The following C12orf54 variants were observed in gnomAD, a reference collection of about 807,000 sequenced individuals.
C12orf54 encodes uncharacterized protein C12orf54.
Under a neutral mutation model 26.4 loss-of-function variants are expected in C12orf54, and 24 were observed. The observed-to-expected ratio is 0.91, with a 90% CI of 0.66 to 1.28. The LOEUF (loss-of-function observed/expected upper bound fraction) is 1.28, where lower values mean the gene tolerates loss of function less well. Ranked by LOEUF, C12orf54 falls within the 50% of genes most tolerant of loss-of-function variation. The pLI is 0.00. For synonymous variants in C12orf54, 54 were observed against 47.0 expected, an observed-to-expected ratio of 1.15 and a Z score of -0.61; for missense variants, 154 against 150.9, an observed-to-expected ratio of 1.02 and a Z score of -0.11.
chr12:48,435,937 T>C, the C12orf54 span, among the ~76,000 whole-genome samples: 1 of 152,176 alleles, frequency 6.6e-6, no homozygotes. Flanking sequence ...ATGGGCTAAA[T>C]GCTCCAATTA....
the C12orf54 span, among the ~76,000 whole-genome samples, chr12:48,441,562 G>A: frequency 6.6e-6 from 1 of 152,162 alleles, no homozygotes; most frequent in Non-Finnish European, 1.5e-5. Flanking sequence ...ATAATGACAG[G>A]GGTTGGGGGT....
At chr12:48,443,491 G>A in the C12orf54 span, among the ~76,000 whole-genome samples, 2 of 152,156 alleles carry the variant, frequency 1.3e-5, no homozygotes, top group Non-Finnish European at 2.9e-5. Flanking sequence ...AAGTGAAAAG[G>A]GATTGTGATT....
At chr12:48,490,652 C>CA (rs960085043) in intron 5 of C12orf54, among the ~76,000 whole-genome samples, 160 bp from the exon 6 acceptor site, 1 of 151,926 alleles carries the variant, frequency 6.6e-6, no homozygotes, top group Non-Finnish European at 1.5e-5. Flanking sequence ...GACTCCATCT[C>CA]AAAAAAAGAA....
chr12:48,427,945 A>G, the C12orf54 span, among the ~76,000 whole-genome samples: 21 of 152,114 alleles, frequency 1.4e-4, no homozygotes, highest in African/African-American at 4.8e-4. Context: ...CAGTAAGTTT[A>G]AGAAAGTTGA....
chr12:48,431,605 A>G, the C12orf54 span, among the ~76,000 whole-genome samples: 1 of 152,198 alleles, frequency 6.6e-6, no homozygotes, highest in Non-Finnish European at 1.5e-5. Flanking sequence ...GAAATAAAAA[A>G]TTTTCTCAAC....
upstream of C12orf54, among the ~76,000 whole-genome samples, chr12:48,477,902 C>T (rs79539953): frequency 0.13 from 19,285 of 152,200 alleles, 1,613 homozygotes; most frequent in Non-Finnish European, 0.2. Context: ...TTTTATGAGG[C>T]CAGCATCATC....
chr12:48,456,217 GT>G, the C12orf54 span, among the ~76,000 whole-genome samples: 1 of 152,182 alleles, frequency 6.6e-6, no homozygotes, highest in African/African-American at 2.4e-5. Flanking sequence ...ATAAAGACGA[GT>G]AGGAGAGAGT....
At position 48,483,342 on chromosome 12, in the gene C12orf54, A is replaced by T. The variant is rs146917894; in HGVS notation, c.46A>T (p.Thr16Ser). The T allele has an allele frequency of 8.9e-5, 144 of 1,613,734 alleles. No individual in the cohort carries two copies. In the East Asian group the frequency reaches 3.1e-3, roughly 35 times the overall value. ...GGATCAGGAACAAAAGGTAGAAATG[A>T]CCTCCAAGCAGCAGAGAAGGTAATG... Reference protein sequence around the residue: ...CQDQEQKVEMTSKQQRSTSIE... With the variant: ...CQDQEQKVEMSSKQQRSTSIE... Residue 16 changes from threonine (T) to serine (S), a missense_variant, in exon 2 of 9, where the codon ACC becomes TCC. Thr to Ser is a moderately conservative substitution (Grantham distance 58, BLOSUM62 1). Transcript: ENST00000548364.
the C12orf54 span, among the ~76,000 whole-genome samples, chr12:48,415,942 C>T: frequency 6.6e-6 from 1 of 152,174 alleles, no homozygotes; most frequent in Admixed American, 6.5e-5. Context: ...ATTATCCTGA[C>T]TTCAGTAAAT....
At chr12:48,460,548 G>A in the C12orf54 span, among the ~76,000 whole-genome samples, 53 of 151,900 alleles carry the variant, frequency 3.5e-4, no homozygotes, top group African/African-American at 1.2e-3. Flanking sequence ...CAAAAGACTT[G>A]GTATTCTTTT....
At chr12:48,453,987 A>T in the C12orf54 span, among the ~76,000 whole-genome samples, 3 of 152,114 alleles carry the variant, frequency 2.0e-5, no homozygotes, top group Admixed American at 6.6e-5. Flanking sequence ...GAGCATCAGG[A>T]TACCATGAGG....
intron 1 of C12orf54, 24 bp from the exon 2 acceptor site, chr12:48,483,214 CCG>C: frequency 8.1e-7 from 1 of 1,227,384 alleles, no homozygotes; most frequent in Non-Finnish European, 1.2e-6. Context: ...CCTGCCTTCT[CCG>C]CATATTCATT....
At chr12:48,438,144 C>T in the C12orf54 span, among the ~76,000 whole-genome samples, 1 of 152,116 alleles carries the variant, frequency 6.6e-6, no homozygotes, top group Non-Finnish European at 1.5e-5. Context: ...GAGTGAACTC[C>T]CATTCACAGT....
chr12:48,473,081 C>G, the C12orf54 span: 1 of 1,614,006 alleles, frequency 6.2e-7, no homozygotes. Context: ...TCAAGCTCCT[C>G]CTGCAACTCA....
chr12:48,475,242 T>G, the C12orf54 span, among the ~76,000 whole-genome samples: 1 of 151,940 alleles, frequency 6.6e-6, no homozygotes, highest in East Asian at 1.9e-4. Context: ...CAAAAACCCA[T>G]CTGTATGTCA....
chr12:48,470,192 T>C, the C12orf54 span, among the ~76,000 whole-genome samples: 2 of 152,228 alleles, frequency 1.3e-5, no homozygotes, highest in African/African-American at 4.8e-5. Context: ...ATGATTTATT[T>C]TCCTTTGGGT....
chr12:48,439,324 G>A, the C12orf54 span, among the ~76,000 whole-genome samples: 1 of 152,220 alleles, frequency 6.6e-6, no homozygotes, highest in African/African-American at 2.4e-5. Flanking sequence ...TTCAACCCTT[G>A]TGGAAGTCAG....
upstream of C12orf54, among the ~76,000 whole-genome samples, chr12:48,477,630 T>A (rs896450318): frequency 6.6e-6 from 1 of 152,050 alleles, no homozygotes; most frequent in South Asian, 2.1e-4. Context: ...TCTACGCAAA[T>A]AAACTAGAAA....
chr12:48,472,574 C>A, the C12orf54 span: 2 of 1,481,486 alleles, frequency 1.3e-6, no homozygotes, highest in Non-Finnish European at 9.2e-7. Flanking sequence ...CCCAGCAGAG[C>A]TGGTTGAGCT....
Sources: gnomAD v4.1 joint callset for allele counts (sites outside exome capture counted in the v4.1 genomes callset) on GRCh38, gnomAD v4.1.1 for gene constraint, MANE v1.5 for transcripts, NCBI Gene and HGNC (gene_info 2026-07-23, HGNC 2026-07-21) for gene names.